PDE1C: variants seen among roughly 807,000 people sequenced by gnomAD.
PDE1C encodes the protein dual specificity calcium/calmodulin-dependent 3',5'-cyclic nucleotide phosphodiesterase 1C.
PDE1C carries 62 observed loss-of-function variants against 93.1 expected under a neutral mutation model. The observed-to-expected ratio is 0.67, with a 90% confidence interval of 0.54 to 0.82. PDE1C has a LOEUF of 0.82. Ranked by LOEUF, PDE1C falls within the 40% of genes least tolerant of loss-of-function variation. The probability of loss-of-function intolerance (pLI) is 0.00; values close to 1 mark genes in which losing one functional copy is unlikely to be tolerated. For synonymous variants in PDE1C, 325 were observed against 310.1 expected (o/e 1.05, Z -0.50); for missense variants, 742 against 884.6 (o/e 0.84, Z 2.04).
At chr7:31,729,753 G>A in the PDE1C span, among the ~76,000 whole-genome samples, 1 of 152,164 alleles carries the variant, frequency 6.6e-6, no homozygotes, top group African/African-American at 2.4e-5. Context: ...TGAATCTTGA[G>A]AGATCTTCTC....
At chr7:32,152,788 T>C (rs1232929314) in intron 3 of PDE1C, among the ~76,000 whole-genome samples, 1 of 152,172 alleles carries the variant, frequency 6.6e-6, no homozygotes, top group Non-Finnish European at 1.5e-5. Flanking sequence ...ACATACATGC[T>C]ACGTGGCAAC....
chr7:31,972,206 A>G (rs916968685), intron 2 of PDE1C, among the ~76,000 whole-genome samples: 2 of 152,234 alleles, frequency 1.3e-5, no homozygotes, highest in African/African-American at 4.8e-5. Context: ...AACCATTCTT[A>G]AAAGGGAATA....
At chr7:31,850,550 T>TG in intron 8 of PDE1C, 91 bp downstream of exon 8, 1 of 842,754 alleles carries the variant, frequency 1.2e-6, no homozygotes. Context: ...AGGAAACCTA[T>TG]GCAAAAGAAA....
chr7:31,983,566 A>G (rs1782968951), intron 2 of PDE1C, among the ~76,000 whole-genome samples: 1 of 152,212 alleles, frequency 6.6e-6, no homozygotes, highest in African/African-American at 2.4e-5. Context: ...GAGAATCAAA[A>G]GCACCATGTT....
intron 1 of PDE1C, among the ~76,000 whole-genome samples, chr7:32,397,878 G>T (rs1330958206): frequency 2.6e-5 from 4 of 151,908 alleles, no homozygotes; most frequent in Admixed American, 2.6e-4. Context: ...AAATTAGCCG[G>T]GCATGGTGGC....
chr7:32,405,894 A>G (rs1785042356), intron 1 of PDE1C, among the ~76,000 whole-genome samples: 2 of 152,218 alleles, frequency 1.3e-5, no homozygotes, highest in African/African-American at 4.8e-5. Flanking sequence ...ATGGAACTCA[A>G]AAGCCTATTA....
At chr7:31,684,506 G>C in the PDE1C span, among the ~76,000 whole-genome samples, 1 of 152,074 alleles carries the variant, frequency 6.6e-6, no homozygotes, top group East Asian at 1.9e-4. Context: ...GAAAGTATTT[G>C]CAACCCATAT....
the PDE1C span, among the ~76,000 whole-genome samples, chr7:31,627,366 T>A: frequency 6.6e-6 from 1 of 152,110 alleles, no homozygotes; most frequent in Non-Finnish European, 1.5e-5. Context: ...ATCATCAAAA[T>A]GTAAGTGAAG....
intron 3 of PDE1C, among the ~76,000 whole-genome samples, chr7:32,123,217 T>A (rs1799394671): frequency 6.6e-6 from 1 of 152,148 alleles, no homozygotes; most frequent in Admixed American, 6.5e-5. Flanking sequence ...GAGGGAGTCA[T>A]TAATAGCCCA....
At chr7:32,206,402 AGT>A (rs1191282986) in intron 2 of PDE1C, among the ~76,000 whole-genome samples, 2 of 152,188 alleles carry the variant, frequency 1.3e-5, no homozygotes, top group African/African-American at 2.4e-5. Context: ...AGAGACCGAC[AGT>A]TGCATAAAAC....
intron 6 of PDE1C, among the ~76,000 whole-genome samples, chr7:31,867,968 C>T (rs1795501498): frequency 6.6e-6 from 1 of 152,216 alleles, no homozygotes; most frequent in South Asian, 2.1e-4. Context: ...CATACAAAGA[C>T]TGCACTACTA....
At chr7:32,131,610 T>A (rs919698467) in intron 3 of PDE1C, among the ~76,000 whole-genome samples, 6 of 152,136 alleles carry the variant, frequency 3.9e-5, no homozygotes, top group African/African-American at 9.7e-5. Context: ...AATTTACTTA[T>A]ATTGAATTTC....
intron 3 of PDE1C, among the ~76,000 whole-genome samples, chr7:32,112,931 T>C (rs1429476079): frequency 6.8e-6 from 1 of 147,340 alleles, no homozygotes; most frequent in African/African-American, 2.5e-5. Context: ...TCAGAGGCAG[T>C]AAAGACATAC....
At chr7:31,963,383 T>A (rs1180393566) in intron 2 of PDE1C, among the ~76,000 whole-genome samples, 1 of 152,216 alleles carries the variant, frequency 6.6e-6, no homozygotes, top group East Asian at 1.9e-4. Context: ...ATGATTTTCA[T>A]CTTAAAAAAT....
At chr7:31,837,364 T>C (rs1217218238) in intron 10 of PDE1C, 64 bp from the exon 11 acceptor site, 1 of 1,419,554 alleles carries the variant, frequency 7.0e-7, no homozygotes, top group South Asian at 1.6e-5. Context: ...TAAGAGTTTT[T>C]TAAAAATCAT....
intron 9 of PDE1C, among the ~76,000 whole-genome samples, chr7:31,844,191 A>C (rs768801944): frequency 2.6e-5 from 4 of 151,702 alleles, no homozygotes; most frequent in Non-Finnish European, 5.9e-5. Flanking sequence ...TAAAAGTCTG[A>C]TTTCACTATC....
intron 7 of PDE1C, among the ~76,000 whole-genome samples, chr7:31,863,122 C>T (rs13244589): frequency 0.089 from 13,574 of 152,084 alleles, 767 homozygotes; most frequent in East Asian, 0.18. Flanking sequence ...AAACATGATG[C>T]CTTTTCCATT....
In PDE1C at chr7:32,105,298, G is replaced by T. The variant is rs551943993; in HGVS notation, c.308+64487C>A. On this transcript the variant is annotated intron_variant, in intron 3 of 18. Transcript: ENST00000396193. ...AAGATACAATAGCAAAAATATTTAG[G>T]AACCTGACAAGCAAAGAGATGAGTA... Among the ~76,000 whole-genome samples, 136 of 152,206 alleles carry T rather than the reference G, an allele frequency of 8.9e-4. 1 individual carries two copies. Among genetic ancestry groups the T allele is most frequent in the Non-Finnish European group, 1.5e-3 (99 of 68,020 alleles).
At chr7:31,761,459 A>G (rs1794829852) in intron 17 of PDE1C, among the ~76,000 whole-genome samples, 1 of 152,202 alleles carries the variant, frequency 6.6e-6, no homozygotes. Flanking sequence ...AAGTAACTAC[A>G]TTAAGGTCCT....
Sources: allele counts gnomAD v4.1 joint callset (sites outside exome capture counted in the v4.1 genomes callset), GRCh38; gene constraint gnomAD v4.1.1; transcripts MANE v1.5; gene names NCBI Gene and HGNC (gene_info 2026-07-23, HGNC 2026-07-21).